Variants in PSD3 observed in about 807,000 individuals in gnomAD.
PSD3 encodes PH and SEC7 domain-containing protein 3.
In PSD3, 49 loss-of-function variants were observed where a neutral mutation model predicts 105.5. The ratio of observed to expected loss-of-function variants is 0.46; its 90% CI spans 0.37 to 0.59. The LOEUF (loss-of-function observed/expected upper bound fraction) is 0.59, where lower values mean the gene tolerates loss of function less well. Among genes scored for constraint, PSD3 ranks in the 20% least tolerant of loss-of-function variants. The pLI is 0.00. For synonymous variants in PSD3, 557 were observed against 457.8 expected (o/e 1.22, Z -2.77); for missense variants, 1,561 against 1,263.8 (o/e 1.24, Z -3.57).
chr8:18,582,324 C>T (rs1802873751), intron 12 of PSD3, among the ~76,000 whole-genome samples: 1 of 152,118 alleles, frequency 6.6e-6, no homozygotes. Flanking sequence ...TGGCACTCTC[C>T]AATTCCCTAT....
intron 2 of PSD3, among the ~76,000 whole-genome samples, chr8:18,925,792 T>C (rs2129467890): frequency 6.6e-6 from 1 of 152,262 alleles, no homozygotes; most frequent in East Asian, 1.9e-4. Context: ...TAAAAAGCCA[T>C]CCAGCAGAAA....
intron 1 of PSD3, among the ~76,000 whole-genome samples, chr8:19,013,131 A>C (rs1827031328): frequency 6.6e-6 from 1 of 152,126 alleles, no homozygotes; most frequent in Non-Finnish European, 1.5e-5. Context: ...ATTGCACCGA[A>C]TAATCTTCCC....
chr8:18,574,397 T>A (rs1357846702), intron 13 of PSD3, among the ~76,000 whole-genome samples: 1 of 152,200 alleles, frequency 6.6e-6, no homozygotes, highest in Non-Finnish European at 1.5e-5. Flanking sequence ...CAGAATAATT[T>A]GAAAGTTTCT....
In PSD3 at chr8:18,698,595, GAATAC is replaced by G. The variant is rs566730776; in HGVS notation, c.2173-42915_2173-42911del. 2.2e-4 allele frequency among the ~76,000 whole-genome samples: 33 copies of G among 152,262 alleles called. No homozygotes were observed. The East Asian group carries it at 6.4e-3, about 29-fold the overall frequency. On this transcript the variant is annotated intron_variant, in intron 9 of 15. Transcript: ENST00000327040. ...GATTCTCCCCTCGAGCCTCCAGAAG[GAATAC>G]AGCCCTGCCAACCCATTTTGGACTT...
chr8:19,040,322 C>T (rs1457332905), intron 1 of PSD3, among the ~76,000 whole-genome samples: 1 of 152,300 alleles, frequency 6.6e-6, no homozygotes, highest in East Asian at 1.9e-4. Context: ...CCACCTCAGC[C>T]TTCCAAGCAG....
intron 14 of PSD3, chr8:18,557,342 G>C (rs556387923): frequency 9.9e-5 from 15 of 152,114 alleles, no homozygotes; most frequent in Non-Finnish European, 1.8e-4. Flanking sequence ...TGTAGAATGA[G>C]GGGAATAATT....
chr8:18,973,035 T>C (rs759090736), intron 1 of PSD3, among the ~76,000 whole-genome samples: 2 of 152,178 alleles, frequency 1.3e-5, no homozygotes, highest in Admixed American at 6.5e-5. Context: ...CAATATAGGA[T>C]AATGTAGACC....
At chr8:18,670,821 C>T (rs1305208418) in intron 9 of PSD3, among the ~76,000 whole-genome samples, 1 of 152,110 alleles carries the variant, frequency 6.6e-6, no homozygotes, top group Non-Finnish European at 1.5e-5. Flanking sequence ...AGGGGATACA[C>T]ACAACCCCAC....
At chr8:18,762,882 A>C (rs1434650040) in intron 9 of PSD3, 4 of 1,226,894 alleles carry the variant, frequency 3.3e-6, no homozygotes, top group Non-Finnish European at 4.2e-6. Context: ...CAACAAAAAA[A>C]CAGAATTTGG....
chr8:18,742,422 G>T (rs1804646951), intron 9 of PSD3, among the ~76,000 whole-genome samples: 2 of 152,024 alleles, frequency 1.3e-5, no homozygotes, highest in Non-Finnish European at 2.9e-5. Flanking sequence ...AATGACACAG[G>T]CATCAAACCA....
At chr8:18,540,735 A>G (rs1800108218) in intron 15 of PSD3, among the ~76,000 whole-genome samples, 1 of 152,152 alleles carries the variant, frequency 6.6e-6, no homozygotes, top group South Asian at 2.1e-4. Context: ...CTGCCCTGTT[A>G]AAACACAAGA....
At chr8:18,604,749 C>G (rs943460846) in intron 11 of PSD3, among the ~76,000 whole-genome samples, 6 of 152,166 alleles carry the variant, frequency 3.9e-5, no homozygotes, top group African/African-American at 1.2e-4. Context: ...CCCTGTGAAG[C>G]CTCGGGACAC....
At chr8:18,670,953 A>G (rs1229825031) in intron 9 of PSD3, among the ~76,000 whole-genome samples, 1 of 152,208 alleles carries the variant, frequency 6.6e-6, no homozygotes, top group Non-Finnish European at 1.5e-5. Context: ...TTCGATGAAA[A>G]ATAGAGATGA....
At chr8:18,618,168 C>T (rs1805833902) in intron 11 of PSD3, among the ~76,000 whole-genome samples, 1 of 152,202 alleles carries the variant, frequency 6.6e-6, no homozygotes. Context: ...TTAAGTCTTT[C>T]AAGCAATTGA....
intron 2 of PSD3, among the ~76,000 whole-genome samples, chr8:18,894,488 T>C (rs1586351543): frequency 1.3e-5 from 2 of 152,066 alleles, no homozygotes; most frequent in South Asian, 4.1e-4. Context: ...ATAGAAACTA[T>C]TACACAGGAA....
chr8:18,816,594 C>T (rs1812242099), intron 4 of PSD3, among the ~76,000 whole-genome samples: 1 of 152,232 alleles, frequency 6.6e-6, no homozygotes, highest in African/African-American at 2.4e-5. Context: ...CAAATTTTCA[C>T]TCCAATTATT....
Position 18,949,247 on chromosome 8 carries a change from ATAT to A in PSD3, c.22-13108_22-13106del, listed in dbSNP as rs1563453745. Among the ~76,000 whole-genome samples the A allele has an allele frequency of 1.2e-3, 85 of 69,958 alleles. 3 individuals are homozygous for A. The highest frequency in any genetic ancestry group is 5.3e-3 in the African/African-American group (69 of 13,028). 45.9% of individuals were successfully genotyped at this position (69,958 alleles called of 152,430 possible). On this transcript the variant is annotated intron_variant, in intron 1 of 15. Transcript: ENST00000327040. ...AAAAAAAAAAAAAAAAAAAAAAAAT[ATAT>A]ATATATATATATATATATATATATA...
At chr8:18,850,769 G>T (rs1445223762) in intron 4 of PSD3, among the ~76,000 whole-genome samples, 1 of 152,144 alleles carries the variant, frequency 6.6e-6, no homozygotes, top group South Asian at 2.1e-4. Context: ...GAGAGGACGC[G>T]ACTCTTCCCA....
chr8:18,666,199 C>T (rs1469660419), intron 9 of PSD3, among the ~76,000 whole-genome samples: 3 of 152,154 alleles, frequency 2.0e-5, no homozygotes, highest in African/African-American at 7.2e-5. Flanking sequence ...TATAGGGGCA[C>T]GCCACTGTGT....
Sources: allele counts gnomAD v4.1 joint callset (sites outside exome capture counted in the v4.1 genomes callset), GRCh38; gene constraint gnomAD v4.1.1; transcripts MANE v1.5; gene names NCBI Gene and HGNC (gene_info 2026-07-23, HGNC 2026-07-21).